The following CEMIP2 variants were observed in gnomAD, a reference collection of about 807,000 sequenced individuals.
CEMIP2 encodes the protein cell migration inducing hyaluronidase 2.
In CEMIP2, 79 loss-of-function variants were observed where a neutral mutation model predicts 146.9. The ratio of observed to expected loss-of-function variants is 0.54; its 90% CI spans 0.45 to 0.65. CEMIP2 has a LOEUF of 0.65. Ranked by LOEUF, CEMIP2 falls within the 30% of genes least tolerant of loss-of-function variation. CEMIP2 has a pLI of 0.00. For synonymous variants in CEMIP2, 601 were observed against 606.3 expected (o/e 0.99, Z 0.13); for missense variants, 1,596 against 1,696.2 (o/e 0.94, Z 1.04).
At chr9:71,727,847 G>A (rs1371972317) in intron 10 of CEMIP2, among the ~76,000 whole-genome samples, 2 of 152,142 alleles carry the variant, frequency 1.3e-5, no homozygotes, top group African/African-American at 4.8e-5. Flanking sequence ...GATCACCTGA[G>A]GTCAGGAGTT....
chr9:71,744,359 G>A (rs62549288), intron 4 of CEMIP2, among the ~76,000 whole-genome samples: 10,101 of 152,048 alleles, frequency 0.066, 483 homozygotes, highest in South Asian at 0.19. Flanking sequence ...CGGGCAACGG[G>A]GCAAGACCCT....
In CEMIP2 at chr9:71,756,510, A is replaced by T. The variant is rs868389331; in HGVS notation, c.-12-6125T>A. Among the ~76,000 whole-genome samples, 624 of 132,996 alleles carry T rather than the reference A, an allele frequency of 4.7e-3. 4 individuals carry two copies. The highest frequency in any genetic ancestry group is 0.015 in the African/African-American group (545 of 37,248). 87.3% of individuals were successfully genotyped at this position (132,996 alleles called of 152,430 possible). A position where few individuals can be genotyped will look rare whatever the true frequency, so the allele number is the denominator to read the frequency against. On this transcript the variant is annotated intron_variant, in intron 1 of 23. Coordinates refer to ENST00000377044, the MANE Select transcript of CEMIP2 (RefSeq NM_013390.3). ...CTCTCTCTCTCTCTCTCTCTCTCAC[A>T]CACACACACACACACACACACACAA...
At position 71,709,421 on chromosome 9, in the gene CEMIP2, C is replaced by T. The variant is rs758495109; in HGVS notation, c.2823G>A (p.Glu941=). Residue 941 remains glutamate, a synonymous_variant, in exon 17 of 24, where the codon GAG becomes GAA. Transcript: ENST00000377044. ...GKPGPWFEDC[E]MDGDKNSIFH... is the part of the protein sequence containing the mutation. ...ATATGGAGTTCTTATCACCATCCAT[C>T]TCACAATCTTCAAACCAGGGACCAG... 9.3e-6 allele frequency: 15 copies of T among 1,614,202 alleles called. No homozygotes were observed. Among genetic ancestry groups the T allele is most frequent in the Non-Finnish European group, 1.3e-5 (15 of 1,180,032 alleles).
chr9:71,756,215 G>GATAGATAGATAGATAGACAGA (rs1824439249), intron 1 of CEMIP2, among the ~76,000 whole-genome samples: 6 of 105,158 alleles, frequency 5.7e-5, no homozygotes, highest in African/African-American at 1.8e-4. Context: ...AGATAGATAG[G>GATAGATAGATAGATAGACAGA]CTATATATAT....
chr9:71,725,000 GT>G (rs1243539213), intron 11 of CEMIP2, among the ~76,000 whole-genome samples: 3 of 152,108 alleles, frequency 2.0e-5, no homozygotes, highest in Admixed American at 6.5e-5. Flanking sequence ...AATTATTCAG[GT>G]TACACGTGCA....
upstream of CEMIP2, chr9:71,768,976 C>T: frequency 6.6e-6 from 1 of 152,200 alleles, no homozygotes; most frequent in Non-Finnish European, 1.5e-5. Flanking sequence ...GAGGCGGTGG[C>T]CCCGCCCGGC....
chr9:71,701,141 T>C (rs963808554), intron 18 of CEMIP2, among the ~76,000 whole-genome samples: 1 of 152,192 alleles, frequency 6.6e-6, no homozygotes, highest in African/African-American at 2.4e-5. Context: ...AGTCTTGCTC[T>C]TTCACTCAGG....
At chr9:71,690,967 C>T (rs898792538) in intron 21 of CEMIP2, among the ~76,000 whole-genome samples, 3 of 152,180 alleles carry the variant, frequency 2.0e-5, no homozygotes, top group African/African-American at 7.2e-5. Flanking sequence ...CAACTAAGCA[C>T]TAATTAAACC....
chr9:71,732,199 T>C (rs547030071), intron 7 of CEMIP2, 152 bp downstream of exon 7: 28 of 727,110 alleles, frequency 3.9e-5, no homozygotes, highest in Non-Finnish European at 5.5e-5. Context: ...CATTCTATTT[T>C]AATCATCTAA....
chr9:71,765,211 A>G (rs1824754098), intron 1 of CEMIP2, among the ~76,000 whole-genome samples: 1 of 152,248 alleles, frequency 6.6e-6, no homozygotes, highest in African/African-American at 2.4e-5. Flanking sequence ...GATGGGATTC[A>G]GATCATTCTG....
At chr9:71,722,090 T>C (rs1188825657) in intron 12 of CEMIP2, among the ~76,000 whole-genome samples, 1 of 152,174 alleles carries the variant, frequency 6.6e-6, no homozygotes, top group Non-Finnish European at 1.5e-5. Context: ...AACATCTTAG[T>C]TTAACTTATT....
chr9:71,728,281 G>GTATATACACGTATATATATATATATGTA lies in CEMIP2; in HGVS notation c.2049+1563_2049+1564insTACATATATATATATATACGTGTATATA, dbSNP rs1564012477. 1.8e-3 allele frequency among the ~76,000 whole-genome samples: 17 copies of GTATATACACGTATATATATATATATGTA among 9,244 alleles called. 3 individuals are homozygous for GTATATACACGTATATATATATATATGTA. Among genetic ancestry groups the GTATATACACGTATATATATATATATGTA allele is most frequent in the African/African-American group, 8.1e-3 (17 of 2,094 alleles). The allele number at this position is 9,244 out of a possible 152,430, so 6.1% of individuals were successfully genotyped here. A position where few individuals can be genotyped will look rare whatever the true frequency, so the allele number is the denominator to read the frequency against. On this transcript the variant is annotated intron_variant, in intron 10 of 23. Coordinates refer to ENST00000377044, the MANE Select transcript of CEMIP2 (RefSeq NM_013390.3). ...TACACGTATATATATATATATATATGTATATATATATATATATATACATAT... is the reference window on the plus strand; with the variant it reads ...TACACGTATATATATATATATATATGTATATACACGTATATATATATATATGTATATATATATATATATATATACATAT...
chr9:71,725,141 C>T (rs947715653), intron 11 of CEMIP2, among the ~76,000 whole-genome samples: 1 of 152,090 alleles, frequency 6.6e-6, no homozygotes, highest in Non-Finnish European at 1.5e-5. Flanking sequence ...ACAAGTTCTA[C>T]CAAAAATTGA....
At chr9:71,724,543 C>T (rs1428145619) in intron 11 of CEMIP2, among the ~76,000 whole-genome samples, 1 of 152,086 alleles carries the variant, frequency 6.6e-6, no homozygotes, top group Non-Finnish European at 1.5e-5. Flanking sequence ...CAAAGTATTC[C>T]TTGAACTCTG....
chr9:71,712,004 T>C (rs1822919409), intron 16 of CEMIP2, 79 bp downstream of exon 16: 1 of 1,487,024 alleles, frequency 6.7e-7, no homozygotes, highest in Non-Finnish European at 9.2e-7. Context: ...GCAAATCCTT[T>C]GCGTTTTTGT....
At chr9:71,727,020 A>C (rs1239144413) in intron 10 of CEMIP2, among the ~76,000 whole-genome samples, 1 of 152,228 alleles carries the variant, frequency 6.6e-6, no homozygotes, top group African/African-American at 2.4e-5. Context: ...GAAAGGTACA[A>C]TGAAAAAAAT....
Position 71,683,780 on chromosome 9 carries a change from T to A in CEMIP2, c.*1417A>T, listed in dbSNP as rs1821974861. ...CTGCAGTTTCTCCTGGATACAAAGG[T>A]AGAGGCCATCAGCCTTTGCCCCTAG... On this transcript the variant is annotated 3_prime_UTR_variant, in exon 24 of 24. Coordinates refer to ENST00000377044, the MANE Select transcript of CEMIP2 (RefSeq NM_013390.3). 6.6e-6 allele frequency: 1 copy of A among 152,634 alleles called. No individual in the cohort carries two copies. The highest frequency in any genetic ancestry group is 2.1e-4 in the South Asian group (1 of 4,830). The allele number at this position is 152,634 out of a possible 1,614,324, so 9.5% of individuals were successfully genotyped here. A position where few individuals can be genotyped will look rare whatever the true frequency, so the allele number is the denominator to read the frequency against.
chr9:71,728,251 G>GTATATATA (rs1156285845), intron 10 of CEMIP2, among the ~76,000 whole-genome samples: 7 of 14,286 alleles, frequency 4.9e-4, no homozygotes, highest in African/African-American at 1.2e-3. Flanking sequence ...ATATATATAT[G>GTATATATA]TATATACACG....
intron 12 of CEMIP2, among the ~76,000 whole-genome samples, chr9:71,719,357 A>G (rs1823162431): frequency 6.6e-6 from 1 of 152,184 alleles, no homozygotes; most frequent in South Asian, 2.1e-4. Flanking sequence ...ACAGCAAGGA[A>G]GTTTGCTGGA....
Sources: gnomAD v4.1 joint callset for allele counts (sites outside exome capture counted in the v4.1 genomes callset) on GRCh38, gnomAD v4.1.1 for gene constraint, MANE v1.5 for transcripts, NCBI Gene and HGNC (gene_info 2026-07-23, HGNC 2026-07-21) for gene names.